The following UGT2A1 variants were observed in gnomAD, a reference collection of about 807,000 sequenced individuals.
UGT2A1 encodes UDP glucuronosyltransferase family 2 member A1 complex locus, also known as UDP-glucuronosyltransferase 2A1.
UGT2A1 carries 61 observed loss-of-function variants against 45.4 expected under a neutral mutation model. The ratio of observed to expected loss-of-function variants is 1.34; its 90% CI spans 1.09 to 1.66. The LOEUF is 1.66. Among genes scored for constraint, UGT2A1 ranks in the 40% most tolerant of loss-of-function variants. The pLI is 0.00. For missense variants in UGT2A1, 649 were observed against 574.3 expected (o/e 1.13, Z -1.33); for synonymous variants, 229 against 196.2 (o/e 1.17, Z -1.40).
Position 69,615,484 on chromosome 4 carries a change from G to A in UGT2A1, c.848-16090C>T, listed in dbSNP as rs188064926. Among the ~76,000 whole-genome samples, 93 of 152,026 alleles carry A rather than the reference G, an allele frequency of 6.1e-4. 2 individuals carry two copies. The highest frequency in any genetic ancestry group is 3.4e-3 in the Admixed American group (52 of 15,234). ...TTTTCCATGTACCCATCTGACAAGGGATTGATAAGTAGAATATATCAGCAG... is the reference window on the plus strand; with the variant it reads ...TTTTCCATGTACCCATCTGACAAGGAATTGATAAGTAGAATATATCAGCAG... On this transcript the variant is annotated intron_variant, in intron 3 of 6. Transcript: ENST00000286604.
intron 3 of UGT2A1, among the ~76,000 whole-genome samples, chr4:69,614,459 A>G (rs904814950): frequency 2.4e-5 from 3 of 125,826 alleles, no homozygotes; most frequent in Non-Finnish European, 5.2e-5. Flanking sequence ...CACAAATTAA[A>G]AAATATATAT....
intron 3 of UGT2A1, among the ~76,000 whole-genome samples, chr4:69,605,288 C>T (rs1299213071): frequency 7.3e-6 from 1 of 136,978 alleles, no homozygotes; most frequent in East Asian, 2.0e-4. Flanking sequence ...CGCTCAACTA[C>T]ATGGAAACTG....
chr4:69,631,031 C>A (rs921242908), intron 3 of UGT2A1, among the ~76,000 whole-genome samples: 1 of 152,044 alleles, frequency 6.6e-6, no homozygotes, highest in Non-Finnish European at 1.5e-5. Context: ...ATGAAATCAT[C>A]GACATAAGCT....
Position 69,647,243 on chromosome 4 carries a change from C to T in UGT2A1, c.402G>A (p.Gln134=). The change falls in exon 2 of 7, where the codon CAG becomes CAA. Residue 134 remains glutamine (Q), a synonymous_variant. Coordinates refer to ENST00000286604, the MANE Select transcript of UGT2A1 (RefSeq NM_001252275.3). ...TGCTTTTCTTTAGCTTTGCCATCAG[C>T]TGTTGGTTTTTAAGAACGCCATCAC... is the stretch of plus-strand genomic sequence containing the variant. ...EICDGVLKNQ[Q]LMAKLKKSKF... The T allele has an allele frequency of 6.2e-7, 1 of 1,613,360 alleles. No individual in the cohort carries two copies. The highest frequency in any genetic ancestry group is 8.5e-7 in the Non-Finnish European group (1 of 1,179,518).
intron 3 of UGT2A1, among the ~76,000 whole-genome samples, chr4:69,625,723 A>G (rs546724033): frequency 6.6e-6 from 1 of 151,636 alleles, no homozygotes; most frequent in East Asian, 1.9e-4. Context: ...AAATTTACAT[A>G]CAGAAATACA....
intron 3 of UGT2A1, among the ~76,000 whole-genome samples, chr4:69,600,179 C>T (rs781410627): frequency 1.3e-5 from 2 of 152,218 alleles, no homozygotes; most frequent in Non-Finnish European, 2.9e-5. Flanking sequence ...TATACACCCA[C>T]TGGGAAACCT....
chr4:69,652,104 C>T (rs940250579), intron 1 of UGT2A1, among the ~76,000 whole-genome samples: 3 of 152,068 alleles, frequency 2.0e-5, no homozygotes, highest in African/African-American at 7.2e-5. Context: ...CAGTCAAATT[C>T]TTACTTCTGA....
intron 3 of UGT2A1, among the ~76,000 whole-genome samples, chr4:69,627,575 AG>A: frequency 6.7e-6 from 1 of 149,466 alleles, no homozygotes; most frequent in Admixed American, 6.7e-5. Flanking sequence ...AGAAAGAAAG[AG>A]AGAAAGAAAA....
intron 3 of UGT2A1, among the ~76,000 whole-genome samples, chr4:69,624,358 T>C (rs1720918031): frequency 6.6e-6 from 1 of 151,448 alleles, no homozygotes; most frequent in South Asian, 2.1e-4. Context: ...TTTTTCTTTA[T>C]GAGTTTCTTA....
chr4:69,595,105 A>G, intron 5 of UGT2A1, 57 bp downstream of exon 5: 1 of 1,587,726 alleles, frequency 6.3e-7, no homozygotes, highest in Non-Finnish European at 8.6e-7. Context: ...GCTATTAAAC[A>G]GTTACTTAAC....
At chr4:69,645,748 C>A (rs1054332701) in intron 2 of UGT2A1, among the ~76,000 whole-genome samples, 1 of 151,810 alleles carries the variant, frequency 6.6e-6, no homozygotes. Flanking sequence ...GAATGACATA[C>A]AGGAGACTTT....
chr4:69,609,685 CACCTATACCTAT>C (rs61115115), intron 3 of UGT2A1, among the ~76,000 whole-genome samples: 1 of 151,450 alleles, frequency 6.6e-6, no homozygotes, highest in Non-Finnish European at 1.5e-5. Context: ...CCTATACCCA[CACCTATACCTAT>C]ACCTATACCT....
At chr4:69,625,709 T>C (rs1439149755) in intron 3 of UGT2A1, among the ~76,000 whole-genome samples, 1 of 151,442 alleles carries the variant, frequency 6.6e-6, no homozygotes, top group East Asian at 1.9e-4. Flanking sequence ...CTTATGTAAA[T>C]TTAAAATTTA....
chr4:69,616,524 T>G (rs1212313800), intron 3 of UGT2A1, among the ~76,000 whole-genome samples: 1 of 151,936 alleles, frequency 6.6e-6, no homozygotes, highest in Non-Finnish European at 1.5e-5. Context: ...ACATAATAAT[T>G]AAAAATGAAA....
At chr4:69,618,215 GTA>G (rs1720527458) in intron 3 of UGT2A1, among the ~76,000 whole-genome samples, 10 of 104,842 alleles carry the variant, frequency 9.5e-5, no homozygotes, top group South Asian at 3.1e-4. Flanking sequence ...GTGTGTGTGT[GTA>G]TGTTTGTGTG....
At chr4:69,634,223 C>T (rs1237865914) in intron 3 of UGT2A1, among the ~76,000 whole-genome samples, 7 of 151,732 alleles carry the variant, frequency 4.6e-5, no homozygotes, top group East Asian at 1.9e-4. Context: ...CCAGCCTGAG[C>T]GACAGAGCGA....
At chr4:69,600,737 C>G (rs1304374589) in intron 3 of UGT2A1, among the ~76,000 whole-genome samples, 2 of 151,676 alleles carry the variant, frequency 1.3e-5, no homozygotes, top group African/African-American at 4.9e-5. Context: ...CAGAAGGCAA[C>G]AGAGCAGCAG....
chr4:69,604,827 C>T (rs1196488404), intron 3 of UGT2A1, among the ~76,000 whole-genome samples: 1 of 136,524 alleles, frequency 7.3e-6, no homozygotes, highest in Admixed American at 7.2e-5. Flanking sequence ...ACAAAGAAGG[C>T]CATTACATAA....
intron 2 of UGT2A1, among the ~76,000 whole-genome samples, chr4:69,644,312 G>C (rs916972490): frequency 7.3e-5 from 11 of 151,658 alleles, no homozygotes; most frequent in Non-Finnish European, 1.3e-4. Context: ...CACAAATAAA[G>C]AGCATAGTAA....
Sources: gnomAD v4.1 joint callset for allele counts (sites outside exome capture counted in the v4.1 genomes callset) on GRCh38, gnomAD v4.1.1 for gene constraint, MANE v1.5 for transcripts, NCBI Gene and HGNC (gene_info 2026-07-23, HGNC 2026-07-21) for gene names.